Variants in ZNF578 observed in about 807,000 individuals in gnomAD.
The protein encoded by ZNF578 is Putative chemokine-related protein B42.
ZNF578 carries 8 observed loss-of-function variants against 8.3 expected under a neutral mutation model. The observed-to-expected ratio is 0.96, with a 90% CI of 0.56 to 1.74. The LOEUF (loss-of-function observed/expected upper bound fraction) is 1.74, where lower values mean the gene tolerates loss of function less well. Ranked by LOEUF, ZNF578 falls within the 40% of genes most tolerant of loss-of-function variation. ZNF578 has a pLI of 0.00. For missense variants in ZNF578, 726 were observed against 707.5 expected (o/e 1.03, Z -0.30); for synonymous variants, 206 against 232.2 (o/e 0.89, Z 1.03).
At chr19:52,469,011 C>T (rs573632943) in intron 2 of ZNF578, among the ~76,000 whole-genome samples, 2 of 152,248 alleles carry the variant, frequency 1.3e-5, no homozygotes, top group East Asian at 3.9e-4. Flanking sequence ...TCTTCTCCAG[C>T]TTGCATACAG....
intron 2 of ZNF578, among the ~76,000 whole-genome samples, chr19:52,487,073 C>T (rs752997655): frequency 6.6e-6 from 1 of 151,978 alleles, no homozygotes; most frequent in Non-Finnish European, 1.5e-5. Context: ...TGGCTCAAGT[C>T]TGTAATCTCC....
intron 3 of ZNF578, among the ~76,000 whole-genome samples, chr19:52,496,097 G>A (rs2122906781): frequency 6.6e-6 from 1 of 151,996 alleles, no homozygotes; most frequent in South Asian, 2.1e-4. Context: ...TGGACTCACT[G>A]TAACCTCTGC....
At chr19:52,510,447 TA>T in intron 5 of ZNF578, 124 bp from the exon 6 acceptor site, 2 of 1,306,676 alleles carry the variant, frequency 1.5e-6, no homozygotes, top group Non-Finnish European at 2.0e-6. Context: ...TTTGTGTTCG[TA>T]AACTTTGAAG....
chr19:52,516,416 G>C lies in ZNF578; in HGVS notation c.*4262G>C, dbSNP rs576314256. On this transcript the variant is annotated 3_prime_UTR_variant, in exon 6 of 6. Transcript: ENST00000421239. ...CCAGAAGGGGAGCCAGAGTTTCCCT[G>C]TAGGAGTTTATCCTCCATGGTGAGG... is the stretch of plus-strand genomic sequence containing the variant. 6.6e-6 allele frequency among the ~76,000 whole-genome samples: 1 copy of C among 152,284 alleles called. No homozygotes were observed. The highest frequency in any genetic ancestry group is 2.1e-4 in the South Asian group (1 of 4,820).
At chr19:52,508,368 G>A (rs1275942503) in intron 5 of ZNF578, among the ~76,000 whole-genome samples, 1 of 147,394 alleles carries the variant, frequency 6.8e-6, no homozygotes, top group Non-Finnish European at 1.5e-5. Flanking sequence ...GAGAGAGAAA[G>A]AGAAAGTGAA....
intron 1 of ZNF578, chr19:52,455,193 C>CTTTTTTTTTT (rs10607252): frequency 2.7e-4 from 27 of 98,398 alleles, no homozygotes; most frequent in African/African-American, 9.9e-4. Flanking sequence ...GCCTTTCTAT[C>CTTTTTTTTTT]TTTTTTTTTT....
chr19:52,483,628 A>T (rs1268799711), intron 2 of ZNF578, among the ~76,000 whole-genome samples: 1 of 152,120 alleles, frequency 6.6e-6, no homozygotes, highest in African/African-American at 2.4e-5. Context: ...TGTTTTATAC[A>T]ATGTTTTCTG....
chr19:52,478,971 C>T (rs1279746316), intron 2 of ZNF578, among the ~76,000 whole-genome samples: 2 of 151,716 alleles, frequency 1.3e-5, no homozygotes, highest in Admixed American at 6.6e-5. Context: ...GCCTCAGCCT[C>T]CCAAAGTGCT....
In ZNF578 at chr19:52,496,575, C is replaced by A. The variant is rs550529001; in HGVS notation, c.-20+5150C>A. 6.2e-4 allele frequency among the ~76,000 whole-genome samples: 93 copies of A among 150,052 alleles called. 4 individuals carry two copies. The South Asian group carries it at 0.018, about 30-fold the overall frequency. ...CGATCTCCTGACCTCGTGATCCGCC[C>A]GCCTCAGCCTCCCAAAGTGCTGGGA... is the stretch of plus-strand genomic sequence containing the variant. On this transcript the variant is annotated intron_variant, in intron 3 of 5. Coordinates refer to ENST00000421239, the MANE Select transcript of ZNF578 (RefSeq NM_001099694.2).
At chr19:52,466,181 T>G (rs1160862307) in intron 2 of ZNF578, among the ~76,000 whole-genome samples, 2 of 152,236 alleles carry the variant, frequency 1.3e-5, no homozygotes, top group African/African-American at 4.8e-5. Flanking sequence ...CAGTGGCGGT[T>G]TAGGTAAATT....
chr19:52,482,645 A>AT (rs1260269785), intron 2 of ZNF578, among the ~76,000 whole-genome samples: 2 of 151,518 alleles, frequency 1.3e-5, no homozygotes, highest in African/African-American at 4.8e-5. Context: ...TGAAAAAAAA[A>AT]TTTTAAAAAA....
chr19:52,512,648 A>G lies in ZNF578; in HGVS notation c.*494A>G, dbSNP rs548628699. On this transcript the variant is annotated 3_prime_UTR_variant, in exon 6 of 6. Coordinates refer to ENST00000421239, the MANE Select transcript of ZNF578 (RefSeq NM_001099694.2). ...ACTTCATGTTCACACCTCATTAGAC[A>G]TCAGAGAATCCCTACTGGAGAGAAA... 6.6e-6 allele frequency among the ~76,000 whole-genome samples: 1 copy of G among 152,342 alleles called. No homozygotes were observed. The highest frequency in any genetic ancestry group is 1.9e-4 in the East Asian group (1 of 5,184).
chr19:52,456,010 G>A (rs886380591), intron 1 of ZNF578: 2 of 151,928 alleles, frequency 1.3e-5, no homozygotes, highest in African/African-American at 2.4e-5. Context: ...TTTTCCTGGA[G>A]CTGAGGTTGC....
At chr19:52,489,709 G>A (rs1020951084) in intron 2 of ZNF578, among the ~76,000 whole-genome samples, 25 of 151,480 alleles carry the variant, frequency 1.7e-4, no homozygotes, top group African/African-American at 6.1e-4. Context: ...AGCCTGAAGT[G>A]TAGTGGTGCG....
At chr19:52,499,897 C>T (rs561097680) in intron 3 of ZNF578, among the ~76,000 whole-genome samples, 11 of 152,104 alleles carry the variant, frequency 7.2e-5, no homozygotes, top group Non-Finnish European at 1.3e-4. Context: ...TGGGTCTGTG[C>T]CCCCAGGACC....
At chr19:52,489,053 C>T (rs537281846) in intron 2 of ZNF578, among the ~76,000 whole-genome samples, 1 of 151,642 alleles carries the variant, frequency 6.6e-6, no homozygotes, top group Admixed American at 6.6e-5. Context: ...GAGCCACGAT[C>T]GCACCACTGC....
intron 3 of ZNF578, among the ~76,000 whole-genome samples, chr19:52,500,646 G>C (rs1191093742): frequency 6.6e-6 from 1 of 152,044 alleles, no homozygotes; most frequent in Non-Finnish European, 1.5e-5. Flanking sequence ...GCCTCCCACA[G>C]TGCTGGGATT....
chr19:52,483,411 G>A lies in ZNF578; in HGVS notation c.-121-7913G>A, dbSNP rs750825286. On this transcript the variant is annotated intron_variant, in intron 2 of 5. Coordinates refer to ENST00000421239, the MANE Select transcript of ZNF578 (RefSeq NM_001099694.2). The stretch of plus-strand genomic sequence containing the variant: ...GCCTCGGCAACAAGAGGGAAACTCC[G>A]TCTCAAAAAATACGTAAATAAATAA... Among the ~76,000 whole-genome samples, 10 of 152,204 alleles carry A rather than the reference G, an allele frequency of 6.6e-5. No individual in the cohort carries two copies. The South Asian group carries it at 8.3e-4, about 13-fold the overall frequency.
intron 2 of ZNF578, among the ~76,000 whole-genome samples, chr19:52,468,937 T>C (rs1003130525): frequency 6.6e-6 from 1 of 152,148 alleles, no homozygotes; most frequent in South Asian, 2.1e-4. Flanking sequence ...AGACTGAAGG[T>C]TGCATCATTG....
Sources: gnomAD v4.1 joint callset for allele counts (sites outside exome capture counted in the v4.1 genomes callset) on GRCh38, gnomAD v4.1.1 for gene constraint, MANE v1.5 for transcripts, NCBI Gene and HGNC (gene_info 2026-07-23, HGNC 2026-07-21) for gene names.